The following TOP6BL variants were observed in gnomAD, a reference collection of about 807,000 sequenced individuals.
The protein encoded by TOP6BL is TOP6B like initiator of meiotic double strand breaks.
the TOP6BL span, among the ~76,000 whole-genome samples, chr11:66,763,525 G>A: frequency 2.0e-5 from 3 of 151,998 alleles, no homozygotes; most frequent in African/African-American, 7.3e-5. Context: ...GCCCAGGCTG[G>A]TCCTGAACTC....
the TOP6BL span, among the ~76,000 whole-genome samples, chr11:66,793,436 C>G: frequency 2.5e-5 from 3 of 121,204 alleles, no homozygotes; most frequent in South Asian, 5.5e-4. Context: ...ATAATTTTTT[C>G]TTTTTTTGTT....
the TOP6BL span, among the ~76,000 whole-genome samples, chr11:66,784,276 G>T: frequency 3.3e-5 from 5 of 151,874 alleles, no homozygotes. Flanking sequence ...CTCGTGATTC[G>T]CCCACCTTGG....
chr11:66,831,364 G>A, the TOP6BL span, among the ~76,000 whole-genome samples: 2 of 152,080 alleles, frequency 1.3e-5, no homozygotes, highest in Non-Finnish European at 2.9e-5. Context: ...AGTATCAACA[G>A]GTAAATGGAT....
At chr11:66,785,878 AG>A in the TOP6BL span, among the ~76,000 whole-genome samples, 1 of 152,194 alleles carries the variant, frequency 6.6e-6, no homozygotes, top group African/African-American at 2.4e-5. Flanking sequence ...TTCCTAGTCT[AG>A]GCCCAAATAC....
chr11:66,764,318 A>C, the TOP6BL span, among the ~76,000 whole-genome samples: 8 of 151,982 alleles, frequency 5.3e-5, no homozygotes, highest in African/African-American at 1.9e-4. Flanking sequence ...GATCATTCCT[A>C]GTGGCCCTGC....
the TOP6BL span, among the ~76,000 whole-genome samples, chr11:66,820,706 A>T: frequency 2.0e-5 from 3 of 152,100 alleles, no homozygotes; most frequent in African/African-American, 7.2e-5. Flanking sequence ...GGTTAGACAC[A>T]CTCTATAGGA....
At chr11:66,819,591 C>A in the TOP6BL span, among the ~76,000 whole-genome samples, 6 of 151,252 alleles carry the variant, frequency 4.0e-5, no homozygotes, top group Non-Finnish European at 8.8e-5. Context: ...GGCAACACAG[C>A]GAGACCTCGT....
the TOP6BL span, among the ~76,000 whole-genome samples, chr11:66,749,360 T>C: frequency 6.6e-6 from 1 of 152,150 alleles, no homozygotes; most frequent in African/African-American, 2.4e-5. Flanking sequence ...ATGGTTGGTC[T>C]GTGTGTGGTT....
chr11:66,751,958 A>G, the TOP6BL span, among the ~76,000 whole-genome samples: 2 of 152,170 alleles, frequency 1.3e-5, no homozygotes, highest in Non-Finnish European at 2.9e-5. Context: ...ATCAGATAAT[A>G]TATCAGTTTC....
At chr11:66,837,869 T>G in the TOP6BL span, among the ~76,000 whole-genome samples, 1 of 152,164 alleles carries the variant, frequency 6.6e-6, no homozygotes, top group Non-Finnish European at 1.5e-5. Context: ...ATTATTGAAC[T>G]AACCAGTGTG....
chr11:66,748,905 G>T, the TOP6BL span, among the ~76,000 whole-genome samples: 1 of 148,520 alleles, frequency 6.7e-6, no homozygotes. Context: ...AATGATGAAT[G>T]GTGCATACTG....
the TOP6BL span, among the ~76,000 whole-genome samples, chr11:66,823,591 C>T: frequency 6.6e-6 from 1 of 151,812 alleles, no homozygotes. Context: ...GAGGCTGAGG[C>T]GGTGGATTGC....
At chr11:66,754,100 ATTTG>A in the TOP6BL span, among the ~76,000 whole-genome samples, 21 of 152,332 alleles carry the variant, frequency 1.4e-4, no homozygotes, top group East Asian at 2.7e-3. Context: ...AGAATGGGGT[ATTTG>A]TTTGCGAGCA....
chr11:66,832,222 T>C, the TOP6BL span, among the ~76,000 whole-genome samples: 2 of 151,576 alleles, frequency 1.3e-5, no homozygotes, highest in Admixed American at 6.6e-5. Flanking sequence ...CTCAGCCTCC[T>C]GAGTAGCTGG....
At chr11:66,749,605 T>C in the TOP6BL span, among the ~76,000 whole-genome samples, 1 of 152,190 alleles carries the variant, frequency 6.6e-6, no homozygotes, top group African/African-American at 2.4e-5. Flanking sequence ...AGTCTCACTC[T>C]GTCGCCCAGG....
chr11:66,825,495 CAA>C, the TOP6BL span, among the ~76,000 whole-genome samples: 3 of 140,214 alleles, frequency 2.1e-5, no homozygotes, highest in African/African-American at 2.6e-5. Context: ...CTGTCCCAAC[CAA>C]AAAAAAAAAG....
chr11:66,790,012 C>T, the TOP6BL span, among the ~76,000 whole-genome samples: 1 of 152,160 alleles, frequency 6.6e-6, no homozygotes, highest in Non-Finnish European at 1.5e-5. Context: ...GTGGCTCACA[C>T]CTGTAATCCC....
chr11:66,777,063 C>A, the TOP6BL span, among the ~76,000 whole-genome samples: 4 of 150,012 alleles, frequency 2.7e-5, no homozygotes, highest in African/African-American at 4.9e-5. Context: ...ATATCTATAT[C>A]TATATATCTA....
At chr11:66,792,736 A>G in the TOP6BL span, among the ~76,000 whole-genome samples, 1 of 152,216 alleles carries the variant, frequency 6.6e-6, no homozygotes, top group South Asian at 2.1e-4. Context: ...GTCAGTAAAT[A>G]TCATCATTAT....
Sources: gnomAD v4.1 joint callset for allele counts (sites outside exome capture counted in the v4.1 genomes callset) on GRCh38, gnomAD v4.1.1 for gene constraint, MANE v1.5 for transcripts, NCBI Gene and HGNC (gene_info 2026-07-23, HGNC 2026-07-21) for gene names.